The following SMURF1 variants were observed in gnomAD, a reference collection of about 807,000 sequenced individuals.
SMURF1 encodes the protein E3 ubiquitin-protein ligase SMURF1.
SMURF1 carries 44 observed loss-of-function variants against 98.0 expected under a neutral mutation model. The observed-to-expected ratio is 0.45, with a 90% CI of 0.35 to 0.58. The LOEUF (loss-of-function observed/expected upper bound fraction) is 0.58. SMURF1 is among the 20% of genes least tolerant of loss of function. The pLI is 0.00. For missense variants in SMURF1, 687 were observed against 938.4 expected (o/e 0.73, Z 3.50); for synonymous variants, 396 against 374.9 (o/e 1.06, Z -0.65).
chr7:99,094,664 A>AC (rs948618184), intron 1 of SMURF1, among the ~76,000 whole-genome samples: 9 of 151,668 alleles, frequency 5.9e-5, no homozygotes, highest in Admixed American at 1.3e-4. Flanking sequence ...GAAAAGGAAA[A>AC]AAAAAAAAAC....
chr7:99,069,335 AG>A (rs1012293087), intron 1 of SMURF1, among the ~76,000 whole-genome samples: 1 of 152,138 alleles, frequency 6.6e-6, no homozygotes, highest in Non-Finnish European at 1.5e-5. Flanking sequence ...GGCCCCTCTG[AG>A]GGAGGAACCA....
At chr7:99,044,761 A>G (rs1378331525) in intron 11 of SMURF1, among the ~76,000 whole-genome samples, 1 of 152,230 alleles carries the variant, frequency 6.6e-6, no homozygotes, top group Non-Finnish European at 1.5e-5. Context: ...GAGTCAGTCT[A>G]TCTTATGTAT....
At chr7:99,076,822 T>C (rs996382466) in intron 1 of SMURF1, among the ~76,000 whole-genome samples, 1 of 147,028 alleles carries the variant, frequency 6.8e-6, no homozygotes, top group Non-Finnish European at 1.5e-5. Flanking sequence ...TGTGCATGTG[T>C]GCACGTGTGC....
In SMURF1 at chr7:99,143,754, G is replaced by A; in HGVS notation, c.27C>T (p.Asn9=). The part of the protein sequence containing the change: MSNPGTRR[N]GSSIKIRLTV... ...TCAGACGGATCTTGATGCTGGAGCC[G>A]TTCCTGCGTGTCCCGGGGTTCGACA... Residue 9 remains asparagine, a synonymous_variant, in exon 1 of 18, where the codon AAC becomes AAT. Transcript: ENST00000361368. 1 of 1,562,744 alleles carries A rather than the reference G, an allele frequency of 6.4e-7. No homozygotes were observed.
At chr7:99,049,955 G>A (rs978539122) in intron 8 of SMURF1, 14 of 375,248 alleles carry the variant, frequency 3.7e-5, no homozygotes, top group Non-Finnish European at 4.7e-5. Context: ...GCTCACGCCT[G>A]TAATCCCAGC....
intron 1 of SMURF1, among the ~76,000 whole-genome samples, chr7:99,128,937 T>C (rs1797802171): frequency 6.6e-6 from 1 of 152,252 alleles, no homozygotes; most frequent in African/African-American, 2.4e-5. Flanking sequence ...ACAGAATAAA[T>C]GAGTGATTAT....
At chr7:99,114,839 A>G (rs1000782556) in intron 1 of SMURF1, among the ~76,000 whole-genome samples, 1 of 152,134 alleles carries the variant, frequency 6.6e-6, no homozygotes, top group Non-Finnish European at 1.5e-5. Context: ...AGAAATCAAT[A>G]ACAGAAGAAA....
At chr7:99,030,721 C>T in intron 17 of SMURF1, 38 bp from the exon 18 acceptor site, 1 of 1,577,166 alleles carries the variant, frequency 6.3e-7, no homozygotes. Context: ...TGTGGGCAGT[C>T]CAGCCCTAGG....
rs565501076 is a variant in SMURF1, at chr7:99,109,077, T to C, written c.55+34649A>G. 2.6e-5 allele frequency among the ~76,000 whole-genome samples: 4 copies of C among 152,250 alleles called. No homozygotes were observed. The East Asian group carries it at 7.7e-4, about 29-fold the overall frequency. ...TAGAGTTTCACCAACTTACCTAGGT[T>C]TTCCAGACCCCTGTTGACTGACTCC... is the stretch of plus-strand genomic sequence containing the variant. On this transcript the variant is annotated intron_variant, in intron 1 of 17. Transcript: ENST00000361368.
rs1260957850 is a variant in SMURF1, at chr7:99,027,534, G to A, written c.*3050C>T. The stretch of plus-strand genomic sequence containing the variant: ...CACTGTTTGTTTTGTGTTTCCAGCT[G>A]GTTCCATAACCACATTAAATAGAAC... On this transcript the variant is annotated 3_prime_UTR_variant, in exon 18 of 18. Coordinates refer to ENST00000361368, the MANE Select transcript of SMURF1 (RefSeq NM_181349.3). 1 of 152,544 alleles carries A rather than the reference G, an allele frequency of 6.6e-6. No homozygotes were observed. The highest frequency in any genetic ancestry group is 2.4e-5 in the African/African-American group (1 of 41,396). The allele number at this position is 152,544 out of a possible 1,614,324, so 9.4% of individuals were successfully genotyped here.
intron 14 of SMURF1, among the ~76,000 whole-genome samples, chr7:99,037,797 T>C (rs1218157251): frequency 6.6e-6 from 1 of 152,226 alleles, no homozygotes; most frequent in Non-Finnish European, 1.5e-5. Flanking sequence ...ACGCCTGCAA[T>C]GCCAGCCCCT....
intron 1 of SMURF1, among the ~76,000 whole-genome samples, chr7:99,113,456 A>G (rs1042643271): frequency 1.3e-5 from 2 of 152,210 alleles, no homozygotes; most frequent in African/African-American, 2.4e-5. Context: ...GGAGAAATGA[A>G]GACATTACAA....
At chr7:99,129,405 T>G (rs763571155) in intron 1 of SMURF1, among the ~76,000 whole-genome samples, 1 of 152,216 alleles carries the variant, frequency 6.6e-6, no homozygotes, top group Non-Finnish European at 1.5e-5. Context: ...CGTTATGTTA[T>G]TATTTTAAGA....
chr7:99,107,735 G>A (rs991740068), intron 1 of SMURF1, among the ~76,000 whole-genome samples: 5 of 152,166 alleles, frequency 3.3e-5, no homozygotes, highest in African/African-American at 9.7e-5. Context: ...CAGGCTTCTC[G>A]GAGCCAGTCC....
At chr7:99,050,720 T>C in intron 8 of SMURF1, 1 of 530,636 alleles carries the variant, frequency 1.9e-6, no homozygotes, top group Non-Finnish European at 3.4e-6. Context: ...TTATAGGTAC[T>C]GAGTCATACA....
At chr7:99,125,159 G>A (rs949997706) in intron 1 of SMURF1, among the ~76,000 whole-genome samples, 1 of 152,156 alleles carries the variant, frequency 6.6e-6, no homozygotes, top group African/African-American at 2.4e-5. Context: ...GCTCACTGCA[G>A]CCTCAAACTC....
chr7:99,072,276 G>A (rs1796343506), intron 1 of SMURF1, among the ~76,000 whole-genome samples: 1 of 152,154 alleles, frequency 6.6e-6, no homozygotes, highest in Non-Finnish European at 1.5e-5. Flanking sequence ...TTCTGCCTCA[G>A]CCTCCCGGAG....
intron 1 of SMURF1, among the ~76,000 whole-genome samples, chr7:99,088,278 A>G (rs1231953379): frequency 6.6e-6 from 1 of 151,914 alleles, no homozygotes; most frequent in Non-Finnish European, 1.5e-5. Context: ...AAAAATTAAA[A>G]AGAGTACAAA....
At position 99,054,973 on chromosome 7, in the gene SMURF1, A is replaced by G. The variant is rs1795845830; in HGVS notation, c.404-108T>C. The G allele has an allele frequency of 2.1e-5, 22 of 1,026,252 alleles. 1 individual carries two copies. The South Asian group carries it at 2.8e-4, about 13-fold the overall frequency. 63.6% of individuals were successfully genotyped at this position (1,026,252 alleles called of 1,614,324 possible). A position where few individuals can be genotyped will look rare whatever the true frequency, so the allele number is the denominator to read the frequency against. On this transcript the variant is annotated intron_variant, in intron 5 of 17. Coordinates refer to ENST00000361368, the MANE Select transcript of SMURF1 (RefSeq NM_181349.3). ...TTTATGTACAATATCATAAAAAACG[A>G]GGCATATGTGTATGCATACACACAT...
Sources: gnomAD v4.1 joint callset for allele counts (sites outside exome capture counted in the v4.1 genomes callset) on GRCh38, gnomAD v4.1.1 for gene constraint, MANE v1.5 for transcripts, NCBI Gene and HGNC (gene_info 2026-07-23, HGNC 2026-07-21) for gene names.